Variants in ANO4 observed in about 807,000 individuals in gnomAD.
The protein encoded by ANO4 is anoctamin 4, also known as anoctamin-4.
ANO4 carries 69 observed loss-of-function variants against 141.9 expected under a neutral mutation model. The observed-to-expected ratio is 0.49, with a 90% confidence interval of 0.40 to 0.59. The LOEUF is 0.59. ANO4 is among the 20% of genes least tolerant of loss of function. ANO4 has a pLI of 0.00. For missense variants in ANO4, 894 were observed against 1,162.2 expected (o/e 0.77, Z 3.36); for synonymous variants, 350 against 394.3 (o/e 0.89, Z 1.33).
At chr12:101,076,148 T>A (rs1159955160) in intron 14 of ANO4, among the ~76,000 whole-genome samples, 2 of 152,162 alleles carry the variant, frequency 1.3e-5, no homozygotes, top group Non-Finnish European at 2.9e-5. Context: ...TTCCCCCAAA[T>A]TCATATGTTG....
chr12:100,956,424 A>G (rs1014415824), intron 5 of ANO4, among the ~76,000 whole-genome samples: 24 of 152,054 alleles, frequency 1.6e-4, no homozygotes, highest in Admixed American at 6.6e-5. Flanking sequence ...AAATGAAACT[A>G]TACTACACAT....
chr12:100,755,590 C>T (rs2135510483), intron 3 of ANO4, among the ~76,000 whole-genome samples: 1 of 152,190 alleles, frequency 6.6e-6, no homozygotes. Flanking sequence ...ATGCTGTGTC[C>T]CTAATCCTTA....
intron 1 of ANO4, among the ~76,000 whole-genome samples, chr12:100,892,038 C>T (rs961014620): frequency 3.9e-5 from 6 of 152,128 alleles, no homozygotes; most frequent in Admixed American, 6.5e-5. Context: ...TACTTAATGT[C>T]CTCCAGGTTC....
chr12:100,892,783 G>GT (rs548442362), intron 1 of ANO4, among the ~76,000 whole-genome samples: 1,649 of 145,624 alleles, frequency 0.011, 12 homozygotes, highest in Middle Eastern at 0.025. Context: ...TTTAATTGTA[G>GT]TTTTTTTTTT....
At chr12:101,014,892 T>C (rs907327887) in intron 8 of ANO4, among the ~76,000 whole-genome samples, 1 of 152,118 alleles carries the variant, frequency 6.6e-6, no homozygotes, top group Non-Finnish European at 1.5e-5. Context: ...TGGAGTGTTG[T>C]GTTCATAGCT....
chr12:100,823,628 A>G (rs995829976), intron 1 of ANO4, among the ~76,000 whole-genome samples: 10 of 152,212 alleles, frequency 6.6e-5, no homozygotes, highest in Admixed American at 6.5e-4. Context: ...TATATTAAAC[A>G]ATTTTAAAAC....
chr12:100,741,495 A>C (rs546186662), intron 3 of ANO4, among the ~76,000 whole-genome samples: 1 of 152,184 alleles, frequency 6.6e-6, no homozygotes, highest in Non-Finnish European at 1.5e-5. Context: ...TGCATTTGGC[A>C]GGCTTTTCCT....
chr12:100,870,550 A>G (rs1006251345), intron 1 of ANO4, among the ~76,000 whole-genome samples: 5 of 151,694 alleles, frequency 3.3e-5, no homozygotes, highest in East Asian at 1.9e-4. Context: ...CTGATTCTCT[A>G]TTTTCTTACT....
intron 2 of ANO4, among the ~76,000 whole-genome samples, chr12:100,908,554 CATATT>C (rs66666269): frequency 0.31 from 47,202 of 151,640 alleles, 7,417 homozygotes; most frequent in East Asian, 0.51. Context: ...TTTTAAAACT[CATATT>C]ATTCTGGCAA....
At chr12:100,737,500 G>A (rs1263183866) in intron 2 of ANO4, among the ~76,000 whole-genome samples, 1 of 152,186 alleles carries the variant, frequency 6.6e-6, no homozygotes, top group Admixed American at 6.5e-5. Flanking sequence ...GGCCCTATCA[G>A]GCCCACCTGA....
chr12:101,064,328 ACTT>A (rs2048481325), intron 14 of ANO4, among the ~76,000 whole-genome samples: 1 of 151,994 alleles, frequency 6.6e-6, no homozygotes, highest in Admixed American at 6.5e-5. Context: ...CTAAATTTCC[ACTT>A]GCTGTTAGTT....
intron 6 of ANO4, among the ~76,000 whole-genome samples, chr12:100,973,980 C>A (rs959669011): frequency 6.6e-6 from 1 of 152,174 alleles, no homozygotes; most frequent in African/African-American, 2.4e-5. Flanking sequence ...TTACCATTTA[C>A]AGAAGTCAGA....
At chr12:101,062,886 G>A (rs534829798) in intron 14 of ANO4, among the ~76,000 whole-genome samples, 6 of 152,178 alleles carry the variant, frequency 3.9e-5, no homozygotes, top group Non-Finnish European at 7.3e-5. Flanking sequence ...CTTTCCAGGG[G>A]AGTGAACAGC....
chr12:100,745,699 T>C (rs2032071008), intron 3 of ANO4, among the ~76,000 whole-genome samples: 1 of 152,180 alleles, frequency 6.6e-6, no homozygotes, highest in Admixed American at 6.5e-5. Context: ...TTAATAGAAA[T>C]TCTGTCCTGC....
At chr12:100,820,502 C>G (rs1036150986) in intron 1 of ANO4, among the ~76,000 whole-genome samples, 9 of 151,972 alleles carry the variant, frequency 5.9e-5, no homozygotes, top group Non-Finnish European at 8.8e-5. Flanking sequence ...CAAGGAAAGC[C>G]AAATGCATGC....
chr12:100,990,332 G>A (rs2045034710), intron 8 of ANO4, among the ~76,000 whole-genome samples: 1 of 152,102 alleles, frequency 6.6e-6, no homozygotes, highest in South Asian at 2.1e-4. Context: ...CAGTGTTCTT[G>A]CTTTAGAACA....
intron 13 of ANO4, among the ~76,000 whole-genome samples, chr12:101,044,783 A>G (rs2047555573): frequency 6.6e-6 from 1 of 152,224 alleles, no homozygotes; most frequent in African/African-American, 2.4e-5. Context: ...AGGGACAAAA[A>G]AAGCACAAAA....
chr12:100,879,343 A>T (rs866923), intron 1 of ANO4, among the ~76,000 whole-genome samples: 44,271 of 152,040 alleles, frequency 0.29, 7,307 homozygotes, highest in Middle Eastern at 0.44. Flanking sequence ...TGTGGAGGTT[A>T]GATTCAACTT....
At chr12:101,038,152 A>G (rs1223163474) in intron 10 of ANO4, among the ~76,000 whole-genome samples, 1 of 152,172 alleles carries the variant, frequency 6.6e-6, no homozygotes, top group African/African-American at 2.4e-5. Context: ...CTGCCAGGAA[A>G]TGTGTTTGGA....
Sources: gnomAD v4.1 joint callset for allele counts (sites outside exome capture counted in the v4.1 genomes callset) on GRCh38, gnomAD v4.1.1 for gene constraint, MANE v1.5 for transcripts, NCBI Gene and HGNC (gene_info 2026-07-23, HGNC 2026-07-21) for gene names.